Variants in KCNQ1 observed in about 807,000 individuals in gnomAD.
KCNQ1 encodes potassium voltage-gated channel subfamily KQT member 1.
Under a neutral mutation model 72.4 loss-of-function variants are expected in KCNQ1, and 49 were observed. The ratio of observed to expected loss-of-function variants is 0.68; its 90% confidence interval spans 0.54 to 0.86. The LOEUF (loss-of-function observed/expected upper bound fraction) is 0.86, where lower values mean the gene tolerates loss of function less well. KCNQ1 is among the 40% of genes least tolerant of loss of function. The pLI is 0.00. For missense variants in KCNQ1, 790 were observed against 945.1 expected, an observed-to-expected ratio of 0.84 and a Z score of 2.15; for synonymous variants, 450 against 412.6, an observed-to-expected ratio of 1.09 and a Z score of -1.10.
At chr11:2,739,039 T>C (rs538844284) in intron 11 of KCNQ1, among the ~76,000 whole-genome samples, 1 of 152,268 alleles carries the variant, frequency 6.6e-6, no homozygotes, top group South Asian at 2.1e-4. Flanking sequence ...ACCATGCTGC[T>C]TTGAAAAAGG....
chr11:2,704,443 C>T lies in KCNQ1; in HGVS notation c.1514+42362C>T, dbSNP rs1850873896. On this transcript the variant is annotated intron_variant, in intron 11 of 15. Transcript: ENST00000155840. This position sits in a 1 kb window ranked among gnomAD's most constrained non-coding sequence, Gnocchi z 4.3. The stretch of plus-strand genomic sequence containing the variant: ...CCCACAGGTGGCATGGACTCATGTC[C>T]CCACCCAAATCACATCCCCACCAGG... Among the ~76,000 whole-genome samples, 1 of 152,328 alleles carries T rather than the reference C, an allele frequency of 6.6e-6. No individual in the cohort carries two copies.
At chr11:2,644,117 C>T in intron 10 of KCNQ1, 1 of 398,482 alleles carries the variant, frequency 2.5e-6, no homozygotes, top group African/African-American at 2.1e-5. Context: ...TCTGAGATTC[C>T]TATATTTGGA....
chr11:2,620,051 C>T lies in KCNQ1; in HGVS notation c.1393+31197C>T, dbSNP rs546484400. The T allele has an allele frequency of 2.5e-6, 1 of 398,044 alleles. No homozygotes were observed. Among genetic ancestry groups the T allele is most frequent in the African/African-American group, 2.1e-5 (1 of 48,466 alleles). 24.7% of individuals were successfully genotyped at this position (398,044 alleles called of 1,614,324 possible). On this transcript the variant is annotated intron_variant, in intron 10 of 15. Transcript: ENST00000155840. This position sits in a 1 kb window ranked among gnomAD's most constrained non-coding sequence, Gnocchi z 4.5. ...CAAGTAGTCCCCAGTGTCTACTGATCATCTTTATGTCCATGTTTACTCAGT... is the reference window on the plus strand; with the variant it reads ...CAAGTAGTCCCCAGTGTCTACTGATTATCTTTATGTCCATGTTTACTCAGT...
intron 1 of KCNQ1, chr11:2,461,668 T>C: frequency 1.5e-6 from 2 of 1,366,942 alleles, no homozygotes; most frequent in African/African-American, 1.5e-5. Context: ...CTGTGGACCC[T>C]GGGAAAGAGC....
At chr11:2,770,641 C>T (rs1279736914) in intron 12 of KCNQ1, among the ~76,000 whole-genome samples, 3 of 152,258 alleles carry the variant, frequency 2.0e-5, no homozygotes, top group Non-Finnish European at 2.9e-5. Context: ...TGCCTGGGAC[C>T]TCTTGCAGTC....
chr11:2,723,617 C>T lies in KCNQ1; in HGVS notation c.1515-45227C>T, dbSNP rs1590053686. Among the ~76,000 whole-genome samples, 1 of 152,314 alleles carries T rather than the reference C, an allele frequency of 6.6e-6. No individual in the cohort carries two copies. Among genetic ancestry groups the T allele is most frequent in the East Asian group, 1.9e-4 (1 of 5,184 alleles). The stretch of plus-strand genomic sequence containing the variant: ...GATGCCAGCCTCAAACTCAGCAGCT[C>T]GAAGTAGCAACAGCCTCGAATCCCT... On this transcript the variant is annotated intron_variant, in intron 11 of 15. Transcript: ENST00000155840. This position sits in a 1 kb window ranked among gnomAD's most constrained non-coding sequence, Gnocchi z 4.2.
intron 10 of KCNQ1, chr11:2,648,786 T>C: frequency 2.5e-6 from 1 of 398,530 alleles, no homozygotes; most frequent in Non-Finnish European, 4.4e-6. Flanking sequence ...AAATGAATTG[T>C]CCAATGCTGA....
At chr11:2,729,339 T>C (rs1199639990) in intron 11 of KCNQ1, among the ~76,000 whole-genome samples, 1 of 152,246 alleles carries the variant, frequency 6.6e-6, no homozygotes, top group African/African-American at 2.4e-5. Context: ...AGTCCCCACA[T>C]TGTAGCACTG....
In KCNQ1 at chr11:2,670,602, C is replaced by T. The variant is rs1850165567; in HGVS notation, c.1514+8521C>T. 2.5e-6 allele frequency: 1 copy of T among 398,306 alleles called. No homozygotes were observed. The allele number at this position is 398,306 out of a possible 1,614,324, so 24.7% of individuals were successfully genotyped here. On this transcript the variant is annotated intron_variant, in intron 11 of 15. Transcript: ENST00000155840. The surrounding 1 kb of genome is among the most constrained non-coding windows in gnomAD (Gnocchi z 4.9). ...AGAAGCCAGGGCTCATTCCCAGACA[C>T]ACAATCTCTGGGGGAGCCTGGATAT...
chr11:2,626,529 T>TG lies in KCNQ1; in HGVS notation c.1394-35428dup. 1 of 398,582 alleles carries TG rather than the reference T, an allele frequency of 2.5e-6. No homozygotes were observed. 24.7% of individuals were successfully genotyped at this position (398,582 alleles called of 1,614,324 possible). A position where few individuals can be genotyped will look rare whatever the true frequency, so the allele number is the denominator to read the frequency against. Reference sequence around the variant, plus strand: ...TGATTACTGTAGCTTCGTAATAAGTTGGGGTTTTTGTTTGTTTTTCAGACA... The same window carrying TG: ...TGATTACTGTAGCTTCGTAATAAGTTGGGGGTTTTTGTTTGTTTTTCAGACA... On this transcript the variant is annotated intron_variant, in intron 10 of 15. Coordinates refer to ENST00000155840, the MANE Select transcript of KCNQ1 (RefSeq NM_000218.3). The surrounding 1 kb of genome is among the most constrained non-coding windows in gnomAD (Gnocchi z 4.0).
chr11:2,691,591 G>C lies in KCNQ1; in HGVS notation c.1514+29510G>C. 2.5e-6 allele frequency: 1 copy of C among 398,468 alleles called. No homozygotes were observed. Among genetic ancestry groups the C allele is most frequent in the South Asian group, 1.3e-4 (1 of 7,860 alleles). 24.7% of individuals were successfully genotyped at this position (398,468 alleles called of 1,614,324 possible). A position where few individuals can be genotyped will look rare whatever the true frequency, so the allele number is the denominator to read the frequency against. Reference sequence around the variant, plus strand: ...CTCAGCAAGGACGAGGCCTCCCTGAGGGAGTCAACCTAGCTTGTTCCCTGC... The same window carrying C: ...CTCAGCAAGGACGAGGCCTCCCTGACGGAGTCAACCTAGCTTGTTCCCTGC... On this transcript the variant is annotated intron_variant, in intron 11 of 15. Transcript: ENST00000155840. This position sits in a 1 kb window ranked among gnomAD's most constrained non-coding sequence, Gnocchi z 6.4.
intron 1 of KCNQ1, among the ~76,000 whole-genome samples, chr11:2,518,958 C>T (rs932993616): frequency 4.6e-5 from 7 of 152,170 alleles, no homozygotes; most frequent in African/African-American, 1.7e-4. Flanking sequence ...GTCTGTGAAG[C>T]GGGTGTGGGA....
At chr11:2,510,376 T>C (rs1178327985) in intron 1 of KCNQ1, among the ~76,000 whole-genome samples, 1 of 152,130 alleles carries the variant, frequency 6.6e-6, no homozygotes, top group Non-Finnish European at 1.5e-5. Context: ...GGCAAGTGGA[T>C]TGCTTGAGGC....
At position 2,661,720 on chromosome 11, in the gene KCNQ1, A is replaced by G. The variant is rs74836423; in HGVS notation, c.1394-241A>G. ...CCTGAGCACAGCCCCAGGCACAGTT[A>G]CCACTCCGAAGATGATTCACTGGCC... On this transcript the variant is annotated intron_variant, in intron 10 of 15. Transcript: ENST00000155840. The surrounding 1 kb of genome is among the most constrained non-coding windows in gnomAD (Gnocchi z 5.9). 8.8e-3 allele frequency: 5,402 copies of G among 612,414 alleles called. 65 individuals carry two copies. The highest frequency in any genetic ancestry group is 0.026 in the South Asian group (1,341 of 52,404). The allele number at this position is 612,414 out of a possible 1,614,324, so 37.9% of individuals were successfully genotyped here. A position where few individuals can be genotyped will look rare whatever the true frequency, so the allele number is the denominator to read the frequency against.
In KCNQ1 at chr11:2,704,110, C is replaced by A. The variant is rs1258567016; in HGVS notation, c.1514+42029C>A. ...CGGTCCCCTTCAGTGAGGCTTTTTG[C>A]ATGCATTGGTCCACACACCCACCAC... On this transcript the variant is annotated intron_variant, in intron 11 of 15. Coordinates refer to ENST00000155840, the MANE Select transcript of KCNQ1 (RefSeq NM_000218.3). The surrounding 1 kb of genome is among the most constrained non-coding windows in gnomAD (Gnocchi z 4.3). Among the ~76,000 whole-genome samples the A allele has an allele frequency of 6.6e-6, 1 of 152,206 alleles. No individual in the cohort carries two copies. Among genetic ancestry groups the A allele is most frequent in the Non-Finnish European group, 1.5e-5 (1 of 68,022 alleles).
intron 11 of KCNQ1, chr11:2,665,431 C>A (rs1473582385): frequency 5.0e-6 from 2 of 397,732 alleles, no homozygotes; most frequent in Non-Finnish European, 8.9e-6. Flanking sequence ...CACTCACTAT[C>A]CTCTGCTCAC....
chr11:2,449,924 C>G (rs1846099658), intron 1 of KCNQ1, among the ~76,000 whole-genome samples: 1 of 152,166 alleles, frequency 6.6e-6, no homozygotes, highest in Non-Finnish European at 1.5e-5. Flanking sequence ...GTCCAGGGAG[C>G]TGGTCCTGAC....
At chr11:2,490,191 G>C (rs1411681164) in intron 1 of KCNQ1, among the ~76,000 whole-genome samples, 1 of 152,014 alleles carries the variant, frequency 6.6e-6, no homozygotes, top group South Asian at 2.1e-4. Context: ...TTTGCCTATG[G>C]AAAGGAGAAG....
At chr11:2,836,323 G>T (rs543317995) in intron 15 of KCNQ1, among the ~76,000 whole-genome samples, 1 of 152,328 alleles carries the variant, frequency 6.6e-6, no homozygotes, top group South Asian at 2.1e-4. Context: ...CACACCCACA[G>T]AGCAGGTGCA....
Sources: allele counts gnomAD v4.1 joint callset (sites outside exome capture counted in the v4.1 genomes callset), GRCh38; gene constraint gnomAD v4.1.1; non-coding constraint Gnocchi (gnomAD v3.1); transcripts MANE v1.5; gene names NCBI Gene and HGNC (gene_info 2026-07-23, HGNC 2026-07-21).